The following TAF9B variants were observed in gnomAD, a reference collection of about 807,000 sequenced individuals.
TAF9B encodes the protein transcription initiation factor TFIID subunit 9B.
TAF9B carries 47 observed loss-of-function variants against 17.6 expected under a neutral mutation model. The ratio of observed to expected loss-of-function variants is 2.68; its 90% CI spans 2.12 to 3.41. The LOEUF is 3.41. TAF9B is among the 30% of genes most tolerant of loss of function. The pLI, the probability that TAF9B is intolerant of heterozygous loss-of-function variation, is 0.00. For synonymous variants in TAF9B, 84 were observed against 68.7 expected (o/e 1.22, Z -1.10); for missense variants, 218 against 189.3 (o/e 1.15, Z -0.89).
Position 78,131,642 on chromosome X carries a change from GT to G in TAF9B, c.723del (p.Lys241AsnfsTer18). 1.7e-6 allele frequency: 2 copies of G among 1,210,400 alleles called. No homozygotes were observed. Among genetic ancestry groups the G allele is most frequent in the Non-Finnish European group, 2.2e-6 (2 of 894,608 alleles). ...TANEANPLKR[K>X]HEDDDDNDIM Reference sequence around the variant, plus strand: ...ATATCATTGTCATCATCATCTTCATGTTTTCTCTTCAGTGGGTTTGCTTCAT... The same window carrying G: ...ATATCATTGTCATCATCATCTTCATGTTTCTCTTCAGTGGGTTTGCTTCAT... On this transcript the variant is annotated frameshift_variant, in exon 7 of 7. Coordinates refer to ENST00000341864, the MANE Select transcript of TAF9B (RefSeq NM_015975.5). LOFTEE classifies it high-confidence loss of function.
rs185315389 is a variant in TAF9B at position 78,130,766 on chromosome X, T to C, written c.*844A>G. ...CTTGGAATACAATACTAAAACTGAA[T>C]ATAACTGACCCAAAACTACCTGTCA... is the stretch of plus-strand genomic sequence containing the variant. On this transcript the variant is annotated 3_prime_UTR_variant, in exon 7 of 7. Coordinates refer to ENST00000341864, the MANE Select transcript of TAF9B (RefSeq NM_015975.5). 3.7e-4 allele frequency: 42 copies of C among 112,313 alleles called. 1 individual carries two copies. In the Admixed American group the frequency reaches 4.0e-3, roughly 11 times the overall value. 9.3% of individuals were successfully genotyped at this position (112,313 alleles called of 1,213,427 possible). A position where few individuals can be genotyped will look rare whatever the true frequency, so the allele number is the denominator to read the frequency against.
chrX:78,132,183 G>A (rs1396744516), intron 6 of TAF9B, among the ~76,000 whole-genome samples: 2 of 110,315 alleles, frequency 1.8e-5, no homozygotes, highest in African/African-American at 3.3e-5. Context: ...CAGTAGAGAC[G>A]GGGTTTCACC....
intron 5 of TAF9B, among the ~76,000 whole-genome samples, chrX:78,136,328 A>G (rs782595653): frequency 8.9e-6 from 1 of 112,100 alleles, no homozygotes; most frequent in Non-Finnish European, 1.9e-5. Flanking sequence ...AAATATAAAG[A>G]TGAGTTTGGA....
intron 4 of TAF9B, among the ~76,000 whole-genome samples, chrX:78,137,412 C>T (rs782175539): frequency 9.0e-6 from 1 of 111,092 alleles, no homozygotes; most frequent in Non-Finnish European, 1.9e-5. Context: ...AGAAAGCTGG[C>T]CTAATTCCTG....
chrX:78,136,419 G>A (rs1292445987), intron 5 of TAF9B, among the ~76,000 whole-genome samples: 8 of 111,653 alleles, frequency 7.2e-5, no homozygotes, highest in African/African-American at 2.6e-4. Flanking sequence ...CAGCTTGAAG[G>A]GGCTCCCACT....
rs141358139 is a variant in TAF9B, at chrX:78,131,730, T to G, written c.636A>C (p.Ser212=). 109 of 1,209,256 alleles carry G rather than the reference T, an allele frequency of 9.0e-5. No homozygotes were observed. The African/African-American group carries it at 9.6e-4, about 11-fold the overall frequency. ...TAVQNVLINP[S]MIGPKNILIT... is the part of the protein sequence containing the mutation. ...TAAGAATATTTTTGGGCCCAATCAT[T>G]GAAGGATTAATCAGAACATTTTGAA... is the stretch of plus-strand genomic sequence containing the variant. Residue 212 remains serine, a synonymous_variant, in exon 7 of 7, where the codon TCA becomes TCC. Coordinates refer to ENST00000341864, the MANE Select transcript of TAF9B (RefSeq NM_015975.5).
In TAF9B at chrX:78,138,856, C is replaced by T. The variant is rs1557250375; in HGVS notation, c.120G>A (p.Leu40=). ...TCATTAACTTACGGAAAGCAAATTC[C>T]AACATTTGATTTATAACCCTTGGTT... ...EYEPRVINQM[L]EFAFRYVTTI... is the part of the protein sequence containing the mutation. Residue 40 remains leucine (L), a synonymous_variant, in exon 2 of 7, where the codon TTG becomes TTA. Coordinates refer to ENST00000341864, the MANE Select transcript of TAF9B (RefSeq NM_015975.5). 8.3e-7 allele frequency: 1 copy of T among 1,204,294 alleles called. No homozygotes were observed. The highest frequency in any genetic ancestry group is 1.7e-5 in the African/African-American group (1 of 57,344).
chrX:78,131,522 T>TA lies in TAF9B; in HGVS notation c.*87dup. 1.2e-6 allele frequency: 1 copy of TA among 845,152 alleles called. No homozygotes were observed. The highest frequency in any genetic ancestry group is 3.0e-5 in the South Asian group (1 of 33,023). The allele number at this position is 845,152 out of a possible 1,213,427, so 69.7% of individuals were successfully genotyped here. On this transcript the variant is annotated 3_prime_UTR_variant, in exon 7 of 7. Transcript: ENST00000341864. Reference sequence around the variant, plus strand: ...GCAGCTACATTTCAGTCTTTTAAGGTAAAACAAGATCTAGAATATTCTAGT... The same window carrying TA: ...GCAGCTACATTTCAGTCTTTTAAGGTAAAAACAAGATCTAGAATATTCTAGT...
chrX:78,137,923 A>G, intron 3 of TAF9B, 39 bp downstream of exon 3: 1 of 1,198,638 alleles, frequency 8.3e-7, no homozygotes, highest in South Asian at 1.8e-5. Context: ...AGTTTTAAAA[A>G]TTGTAAGTAA....
chrX:78,133,222 T>C, intron 6 of TAF9B, 116 bp downstream of exon 6: 1 of 571,985 alleles, frequency 1.7e-6, no homozygotes, highest in Non-Finnish European at 2.9e-6. Context: ...ATTTGCAGCA[T>C]TACTGCCACC....
chrX:78,137,603 G>T, intron 4 of TAF9B, 146 bp downstream of exon 4: 1 of 500,674 alleles, frequency 2.0e-6, no homozygotes, highest in Non-Finnish European at 3.1e-6. Context: ...GTTCCATCTA[G>T]CTCGAAAATT....
At chrX:78,133,227 G>T in intron 6 of TAF9B, 111 bp downstream of exon 6, 1 of 587,634 alleles carries the variant, frequency 1.7e-6, no homozygotes, top group Non-Finnish European at 2.8e-6. Context: ...CAGCATTACT[G>T]CCACCTTCCT....
rs1304708189 is a variant in TAF9B at position 78,138,869 on chromosome X, A to G, written c.107T>C (p.Ile36Thr). ...GAAAGCAAATTCCAACATTTGATTT[A>G]TAACCCTTGGTTCATACTCTGTGAT... ...MGITEYEPRV[I>T]NQMLEFAFRY... Residue 36 changes from isoleucine (I) to threonine (T), a missense_variant, in exon 2 of 7, where the codon ATA becomes ACA. By Grantham distance (89) the Ile-to-Thr change is moderately conservative. Coordinates refer to ENST00000341864, the MANE Select transcript of TAF9B (RefSeq NM_015975.5). The G allele has an allele frequency of 1.7e-6, 2 of 1,208,731 alleles. No homozygotes were observed. Among genetic ancestry groups the G allele is most frequent in the Non-Finnish European group, 2.2e-6 (2 of 893,492 alleles).
chrX:78,130,685 T>A lies in TAF9B; in HGVS notation c.*925A>T, dbSNP rs2078406084. 1 of 112,673 alleles carries A rather than the reference T, an allele frequency of 8.9e-6. No individual in the cohort carries two copies. Among genetic ancestry groups the A allele is most frequent in the African/African-American group, 3.2e-5 (1 of 30,950 alleles). The allele number at this position is 112,673 out of a possible 1,213,427, so 9.3% of individuals were successfully genotyped here. On this transcript the variant is annotated 3_prime_UTR_variant, in exon 7 of 7. Coordinates refer to ENST00000341864, the MANE Select transcript of TAF9B (RefSeq NM_015975.5). ...GTGTAATTACTTATCAAAACATGTTTTAAGCTACAGCATCTCTGTTAAATT... is the reference window on the plus strand; with the variant it reads ...GTGTAATTACTTATCAAAACATGTTATAAGCTACAGCATCTCTGTTAAATT...
intron 5 of TAF9B, among the ~76,000 whole-genome samples, chrX:78,134,409 TAATA>T (rs2078426472): frequency 8.9e-6 from 1 of 111,779 alleles, no homozygotes; most frequent in South Asian, 3.7e-4. Flanking sequence ...CTCGAAGACT[TAATA>T]TATATACTGA....
chrX:78,137,426 G>T (rs368748693), intron 4 of TAF9B, among the ~76,000 whole-genome samples: 1 of 111,267 alleles, frequency 9.0e-6, no homozygotes, highest in African/African-American at 3.3e-5. Context: ...ATTCCTGATG[G>T]TATCATTTCC....
At chrX:78,134,452 A>T (rs1035917485) in intron 5 of TAF9B, among the ~76,000 whole-genome samples, 1 of 112,075 alleles carries the variant, frequency 8.9e-6, no homozygotes, top group Non-Finnish European at 1.9e-5. Context: ...AAATACATTT[A>T]TGGAAATGTA....
In TAF9B at chrX:78,138,233, G is replaced by A. The variant is rs1477039100; in HGVS notation, c.134-135C>T. ...TGGGTTTTTGTAGAGACAGGGTCTC[G>A]CTATGTTGCCCAGGAAACTCCTGGC... On this transcript the variant is annotated intron_variant, in intron 2 of 6. Transcript: ENST00000341864. 2.1e-5 allele frequency: 15 copies of A among 703,463 alleles called. No individual in the cohort carries two copies. The East Asian group carries it at 2.4e-4, about 11-fold the overall frequency. The allele number at this position is 703,463 out of a possible 1,213,427, so 58.0% of individuals were successfully genotyped here.
At position 78,137,964 on chromosome X, in the gene TAF9B, C is replaced by G. The variant is rs2078440819; in HGVS notation, c.268G>C (p.Asp90His). The G allele has an allele frequency of 8.3e-7, 1 of 1,205,551 alleles. No homozygotes were observed. The highest frequency in any genetic ancestry group is 2.2e-5 in the Admixed American group (1 of 44,713). Residue 90 changes from aspartate to histidine, a missense_variant and splice_region_variant, in exon 3 of 7, where the codon GAT (aspartate) becomes CAT (histidine). Asp to His is a moderately conservative substitution (Grantham distance 81). Coordinates refer to ENST00000341864, the MANE Select transcript of TAF9B (RefSeq NM_015975.5). ...DQSFTSPPPR[D>H]FLLDIARQKN... ...ACTTCAAATCAAAGTTTGCTCACAT[C>G]TCTTGGGGGAGGAGAGGTAAAAGAT...
Sources: gnomAD v4.1 joint callset for allele counts (sites outside exome capture counted in the v4.1 genomes callset) on GRCh38, gnomAD v4.1.1 for gene constraint, MANE v1.5 for transcripts, NCBI Gene and HGNC (gene_info 2026-07-23, HGNC 2026-07-21) for gene names.